ISLR2: variants seen among roughly 807,000 people sequenced by gnomAD.
ISLR2 encodes immunoglobulin superfamily containing leucine-rich repeat protein 2.
Under a neutral mutation model 25.5 loss-of-function variants are expected in ISLR2, and 16 were observed. That is an observed-to-expected ratio of 0.63 (90% CI 0.43 to 0.95). ISLR2 has a LOEUF of 0.95. Ranked by LOEUF, ISLR2 falls within the 40% of genes least tolerant of loss-of-function variation. The pLI is 0.00. For missense variants in ISLR2, 883 were observed against 1,030.7 expected, an observed-to-expected ratio of 0.86 and a Z score of 1.96; for synonymous variants, 508 against 486.6, an observed-to-expected ratio of 1.04 and a Z score of -0.58.
intron 2 of ISLR2, among the ~76,000 whole-genome samples, chr15:74,121,259 C>T (rs1476203124): frequency 6.6e-6 from 1 of 152,050 alleles, no homozygotes; most frequent in African/African-American, 2.4e-5. Context: ...ACAGTGGGGC[C>T]CTGGGAGAGG....
At position 74,134,294 on chromosome 15, in the gene ISLR2, G is replaced by T. The variant is rs1321674601; in HGVS notation, c.1540G>T (p.Gly514Cys). The T allele has an allele frequency of 3.3e-6, 5 of 1,526,312 alleles. No individual in the cohort carries two copies. The highest frequency in any genetic ancestry group is 1.4e-5 in the African/African-American group (1 of 72,008). The allele number at this position is 1,526,312 out of a possible 1,614,324, so 94.5% of individuals were successfully genotyped here. Residue 514 changes from glycine to cysteine, a missense_variant, in exon 3 of 3, where the codon GGC becomes TGC. Transcript: ENST00000453268. ...PLAARWGPGP[G>C]GAGGAPRPGR... ...GGCTGCGCGCTGGGGCCCTGGGCCC[G>T]GCGGGGCTGGCGGAGCCCCGCGACC...
downstream of ISLR2, among the ~76,000 whole-genome samples, chr15:74,138,059 G>T (rs1352133037): frequency 1.3e-5 from 2 of 151,772 alleles, no homozygotes; most frequent in African/African-American, 4.8e-5. Flanking sequence ...ATAATGCTTT[G>T]TTCCCTGATC....
chr15:74,129,098 G>C (rs976366291), upstream of ISLR2: 4 of 455,824 alleles, frequency 8.8e-6, no homozygotes, highest in African/African-American at 8.0e-5. This position sits in a 1 kb window ranked among gnomAD's most constrained non-coding sequence, Gnocchi z 4.5. Context: ...CCATGGGTCG[G>C]CGGGGGGGGA....
At position 74,133,978 on chromosome 15, in the gene ISLR2, C is replaced by T; in HGVS notation, c.1224C>T (p.Val408=). The T allele has an allele frequency of 1.2e-6, 2 of 1,610,864 alleles. No homozygotes were observed. The highest frequency in any genetic ancestry group is 1.1e-5 in the South Asian group (1 of 90,492). ...CAGCCAAGGGCCGGGGCAACAGCGT[C>T]CTGCCTTCCAAACCCGAGGGCAAAA... is the stretch of plus-strand genomic sequence containing the variant. ...KSTAKGRGNS[V]LPSKPEGKIK... Residue 408 remains valine (V), a synonymous_variant, in exon 3 of 3, where the codon GTC becomes GTT. Coordinates refer to ENST00000453268, the MANE Select transcript of ISLR2 (RefSeq NM_020851.3).
At chr15:74,111,249 C>G (rs2072165210) in intron 2 of ISLR2, among the ~76,000 whole-genome samples, 1 of 151,594 alleles carries the variant, frequency 6.6e-6, no homozygotes, top group South Asian at 2.1e-4. Flanking sequence ...CTCAAAAGGC[C>G]ACATACTGGG....
upstream of ISLR2, chr15:74,130,162 C>G (rs1308942405): frequency 7.8e-6 from 1 of 128,142 alleles, no homozygotes; most frequent in Non-Finnish European, 1.6e-5. Flanking sequence ...CCCAGCACGC[C>G]CTGCAGGGCT....
chr15:74,106,120 G>C (rs927150303), intron 2 of ISLR2, among the ~76,000 whole-genome samples: 2 of 152,162 alleles, frequency 1.3e-5, no homozygotes, highest in Non-Finnish European at 2.9e-5. Flanking sequence ...GAGCCCAGGA[G>C]TTTGAGGCTG....
At chr15:74,117,223 AAT>A (rs2072217739) in intron 2 of ISLR2, among the ~76,000 whole-genome samples, 1 of 152,170 alleles carries the variant, frequency 6.6e-6, no homozygotes, top group Non-Finnish European at 1.5e-5. Flanking sequence ...ATAATTAATG[AAT>A]ATCATGGGGT....
At chr15:74,139,806 G>A (rs1173064138), downstream of ISLR2, among the ~76,000 whole-genome samples, 1 of 151,934 alleles carries the variant, frequency 6.6e-6, no homozygotes, top group Non-Finnish European at 1.5e-5. Flanking sequence ...TCTCCAGTGT[G>A]TCTTGCTGTA....
intron 2 of ISLR2, among the ~76,000 whole-genome samples, chr15:74,111,033 A>T (rs2072162058): frequency 6.8e-6 from 1 of 147,610 alleles, no homozygotes. Flanking sequence ...ACAGCTACTC[A>T]GGAGGCTGAG....
In ISLR2 at chr15:74,109,389, C is replaced by T. The variant is rs201057714; in HGVS notation, n.228+5475C>T. ...GTCCGGTGAAGGGCAGGAAGGGCTG[C>T]AGTAGGACTACATCAGCGCTTCCCA... On this transcript the variant is annotated intron_variant and non_coding_transcript_variant, in intron 2 of 3. Coordinates refer to the ISLR2 transcript ENST00000561975. Among the ~76,000 whole-genome samples the T allele has an allele frequency of 1.8e-4, 27 of 148,412 alleles. No homozygotes were observed. The East Asian group carries it at 2.1e-3, about 11-fold the overall frequency.
At chr15:74,108,439 G>A (rs1174833430) in intron 2 of ISLR2, among the ~76,000 whole-genome samples, 1 of 152,110 alleles carries the variant, frequency 6.6e-6, no homozygotes, top group Non-Finnish European at 1.5e-5. Flanking sequence ...CCAGGGATGA[G>A]CCCTCCCTGA....
intron 2 of ISLR2, among the ~76,000 whole-genome samples, chr15:74,109,955 C>T (rs1361312139): frequency 3.9e-5 from 6 of 152,106 alleles, no homozygotes; most frequent in Admixed American, 2.0e-4. Flanking sequence ...CCACCACGCC[C>T]GGATGTTTTT....
At chr15:74,127,986 C>G (rs2072321633), upstream of ISLR2, 1 of 170,278 alleles carries the variant, frequency 5.9e-6, no homozygotes, top group African/African-American at 2.4e-5. Context: ...CCTTGTCACC[C>G]TCCCCTCCCC....
At chr15:74,123,591 T>A (rs1194699896), upstream of ISLR2, among the ~76,000 whole-genome samples, 1 of 152,218 alleles carries the variant, frequency 6.6e-6, no homozygotes, top group African/African-American at 2.4e-5. Context: ...TGCCCCACTT[T>A]GCACTGCCCC....
chr15:74,140,740 A>G (rs75049330), downstream of ISLR2, among the ~76,000 whole-genome samples: 896 of 152,368 alleles, frequency 5.9e-3, 43 homozygotes, highest in East Asian at 0.11. Context: ...CCTGCTGGGC[A>G]GTTCGGAGGA....
At chr15:74,119,061 A>G (rs1367202165) in intron 2 of ISLR2, among the ~76,000 whole-genome samples, 1 of 152,188 alleles carries the variant, frequency 6.6e-6, no homozygotes, top group Admixed American at 6.5e-5. Context: ...CATAATTAGC[A>G]TCTCCACCAC....
upstream of ISLR2, chr15:74,127,769 C>T (rs865923857): frequency 1.3e-5 from 2 of 152,378 alleles, no homozygotes; most frequent in Middle Eastern, 6.3e-3. Context: ...GGAGCAAGTC[C>T]CCAGATCCAA....
chr15:74,109,407 G>A (rs1356742726), intron 2 of ISLR2, among the ~76,000 whole-genome samples: 2 of 152,030 alleles, frequency 1.3e-5, no homozygotes, highest in South Asian at 2.1e-4. Flanking sequence ...CTACATCAGC[G>A]CTTCCCAAAC....
Sources: gnomAD v4.1 joint callset for allele counts (sites outside exome capture counted in the v4.1 genomes callset) on GRCh38, gnomAD v4.1.1 for gene constraint, Gnocchi (gnomAD v3.1) non-coding constraint, MANE v1.5 for transcripts, NCBI Gene and HGNC (gene_info 2026-07-23, HGNC 2026-07-21) for gene names.